Variants in KL observed in about 807,000 individuals in gnomAD.
KL encodes the protein klotho, also known as alpha-klotho.
A neutral mutation model predicts 84.2 loss-of-function variants in KL; 62 were observed. The observed-to-expected ratio is 0.74, with a 90% confidence interval of 0.60 to 0.91. The LOEUF is 0.91. KL is among the 40% of genes least tolerant of loss of function. The pLI, the probability that KL is intolerant of heterozygous loss-of-function variation, is 0.00. For synonymous variants in KL, 528 were observed against 528.0 expected (o/e 1.00, Z 0.00); for missense variants, 1,261 against 1,305.7 (o/e 0.97, Z 0.53).
chr13:33,039,668 G>T (rs1871267403), intron 1 of KL, among the ~76,000 whole-genome samples: 1 of 152,070 alleles, frequency 6.6e-6, no homozygotes, highest in Non-Finnish European at 1.5e-5. Context: ...GAGTAAGTGG[G>T]GTTCATTAGG....
chr13:33,041,055 C>T (rs991449732), intron 1 of KL, among the ~76,000 whole-genome samples: 1 of 152,138 alleles, frequency 6.6e-6, no homozygotes, highest in African/African-American at 2.4e-5. Flanking sequence ...TCCTTGCTCC[C>T]ATTTTGTCCT....
chr13:33,031,696 A>G (rs1341033413), intron 1 of KL, among the ~76,000 whole-genome samples: 1 of 152,218 alleles, frequency 6.6e-6, no homozygotes, highest in Admixed American at 6.5e-5. Flanking sequence ...ATTTCACAAT[A>G]GCATAGTATT....
rs532988781 is a variant in KL at position 33,061,496 on chromosome 13, T to C, written c.2417T>C (p.Leu806Ser). The C allele has an allele frequency of 1.2e-6, 2 of 1,614,116 alleles. No individual in the cohort carries two copies. Among genetic ancestry groups the C allele is most frequent in the African/African-American group, 2.7e-5 (2 of 74,940 alleles). ...LIQGTFDFLA[L>S]SHYTTILVDS... ...CAGGGTACCTTTGACTTTTTGGCTT[T>C]AAGCCATTATACCACCATCCTTGTA... Residue 806 changes from leucine to serine, a missense_variant, in exon 4 of 5, where the codon TTA becomes TCA. Transcript: ENST00000380099.
chr13:33,062,427 C>G (rs1456640046), intron 4 of KL, among the ~76,000 whole-genome samples: 3 of 149,956 alleles, frequency 2.0e-5, no homozygotes, highest in Non-Finnish European at 4.4e-5. Flanking sequence ...AATCCCAGCA[C>G]TTTGGGAGGC....
intron 1 of KL, among the ~76,000 whole-genome samples, chr13:33,049,073 A>G (rs1566505940): frequency 6.6e-6 from 1 of 152,106 alleles, no homozygotes; most frequent in Non-Finnish European, 1.5e-5. Context: ...TACGAGAGAG[A>G]CTTATACCCC....
intron 1 of KL, among the ~76,000 whole-genome samples, chr13:33,040,899 T>A (rs1871315702): frequency 6.6e-6 from 1 of 152,308 alleles, no homozygotes; most frequent in Non-Finnish European, 1.5e-5. Flanking sequence ...CCTCCTCACA[T>A]GCAACATGTA....
At chr13:33,023,622 A>G (rs1870651032) in intron 1 of KL, among the ~76,000 whole-genome samples, 2 of 152,244 alleles carry the variant, frequency 1.3e-5, no homozygotes, top group Non-Finnish European at 2.9e-5. Context: ...TATGACTGAT[A>G]TAACTTTATA....
intron 1 of KL, among the ~76,000 whole-genome samples, chr13:33,042,132 C>A (rs1431817159): frequency 6.6e-6 from 1 of 152,054 alleles, no homozygotes; most frequent in Non-Finnish European, 1.5e-5. Context: ...CGGAGAAAAT[C>A]AGTATTCTCT....
chr13:33,060,868 C>T lies in KL; in HGVS notation c.1789C>T (p.Leu597=). The T allele has an allele frequency of 8.7e-6, 14 of 1,614,208 alleles. No homozygotes were observed. Among genetic ancestry groups the T allele is most frequent in the Non-Finnish European group, 1.2e-5 (14 of 1,180,014 alleles). The change falls in exon 4 of 5, where the codon CTG becomes TTG. Residue 597 remains leucine, a synonymous_variant. Coordinates refer to ENST00000380099, the MANE Select transcript of KL (RefSeq NM_004795.4). ...GCACGTTACACATTTTCGCTTCTCCCTGGACTGGGCCCTGATTCTCCCTCT... is the reference window on the plus strand; with the variant it reads ...GCACGTTACACATTTTCGCTTCTCCTTGGACTGGGCCCTGATTCTCCCTCT... ...EMHVTHFRFS[L]DWALILPLGN...
At chr13:33,058,944 G>A (rs930432533) in intron 3 of KL, among the ~76,000 whole-genome samples, 1 of 152,198 alleles carries the variant, frequency 6.6e-6, no homozygotes, top group Non-Finnish European at 1.5e-5. Flanking sequence ...GGAAGTGCAT[G>A]TGTGGGTGTT....
rs1446401253 is a variant in KL, at chr13:33,060,868, C to A, written c.1789C>A (p.Leu597Met). Residue 597 changes from leucine to methionine, a missense_variant, in exon 4 of 5, where the codon CTG (leucine) becomes ATG (methionine). By Grantham distance (15) the Leu-to-Met change is conservative (BLOSUM62 2). Transcript: ENST00000380099. ...EMHVTHFRFS[L>M]DWALILPLGN... ...GCACGTTACACATTTTCGCTTCTCC[C>A]TGGACTGGGCCCTGATTCTCCCTCT... The A allele has an allele frequency of 6.2e-7, 1 of 1,614,090 alleles. No individual in the cohort carries two copies.
At chr13:33,058,669 T>C (rs1009710362) in intron 3 of KL, among the ~76,000 whole-genome samples, 2 of 152,048 alleles carry the variant, frequency 1.3e-5, no homozygotes, top group South Asian at 2.1e-4. Context: ...ACTTTTTTTT[T>C]CCTCCAGAAA....
chr13:33,042,036 A>G (rs190499357), intron 1 of KL, among the ~76,000 whole-genome samples: 2 of 152,322 alleles, frequency 1.3e-5, no homozygotes, highest in Admixed American at 1.3e-4. Flanking sequence ...TGTTGAATGA[A>G]TATGATCCCT....
chr13:33,065,751 T>C lies in KL; in HGVS notation c.*1565T>C, dbSNP rs886050127. On this transcript the variant is annotated 3_prime_UTR_variant, in exon 5 of 5. Transcript: ENST00000380099. ...AAATTTTTAAAACACAGAAACTATA[T>C]GCAAAGAAAAAATAAAAATTATCTA... 1.3e-4 allele frequency: 22 copies of C among 174,796 alleles called. No homozygotes were observed. The highest frequency in any genetic ancestry group is 1.9e-4 in the African/African-American group (8 of 42,192). 10.8% of individuals were successfully genotyped at this position (174,796 alleles called of 1,614,324 possible). A position where few individuals can be genotyped will look rare whatever the true frequency, so the allele number is the denominator to read the frequency against.
rs750699028 is a variant in KL, at chr13:33,017,272, G to C, written c.819+13G>C. 1 of 1,550,924 alleles carries C rather than the reference G, an allele frequency of 6.4e-7. No individual in the cohort carries two copies. Among genetic ancestry groups the C allele is most frequent in the Non-Finnish European group, 8.7e-7 (1 of 1,153,974 alleles). ...CAACCTCCTCCTGGTGAGTGCGAGG[G>C]GCCAGGCGGAGGGCCACGCAGGGGA... On this transcript the variant is annotated intron_variant, in intron 1 of 4. Coordinates refer to ENST00000380099, the MANE Select transcript of KL (RefSeq NM_004795.4).
At chr13:33,031,786 T>C (rs1004156116) in intron 1 of KL, among the ~76,000 whole-genome samples, 5 of 152,240 alleles carry the variant, frequency 3.3e-5, no homozygotes, top group South Asian at 2.1e-4. Context: ...AGAGACGGGA[T>C]TGGGGGAGAT....
intron 1 of KL, among the ~76,000 whole-genome samples, chr13:33,033,897 T>A (rs1871066619): frequency 6.6e-6 from 1 of 152,038 alleles, no homozygotes; most frequent in African/African-American, 2.4e-5. Context: ...TTAAAAAAGA[T>A]AAAAACAGAC....
At chr13:33,033,129 A>G (rs1244592162) in intron 1 of KL, among the ~76,000 whole-genome samples, 1 of 152,220 alleles carries the variant, frequency 6.6e-6, no homozygotes, top group Admixed American at 6.5e-5. Flanking sequence ...GTGCATTTCA[A>G]TTCAGATCTC....
chr13:33,017,880 C>A (rs1472012900), intron 1 of KL, among the ~76,000 whole-genome samples: 1 of 152,202 alleles, frequency 6.6e-6, no homozygotes, highest in Non-Finnish European at 1.5e-5. Context: ...CAAAGCTAGT[C>A]ATAGAAACAC....
Sources: allele counts gnomAD v4.1 joint callset (sites outside exome capture counted in the v4.1 genomes callset), GRCh38; gene constraint gnomAD v4.1.1; transcripts MANE v1.5; gene names NCBI Gene and HGNC (gene_info 2026-07-23, HGNC 2026-07-21).